GRM8: variants seen among roughly 807,000 people sequenced by gnomAD.
The protein encoded by GRM8 is glutamate metabotropic receptor 8, also known as metabotropic glutamate receptor 8.
A neutral mutation model predicts 87.2 loss-of-function variants in GRM8; 47 were observed. The observed-to-expected ratio is 0.54, with a 90% CI of 0.43 to 0.69. GRM8 has a LOEUF of 0.69. Among genes scored for constraint, GRM8 ranks in the 30% least tolerant of loss-of-function variants. The probability of loss-of-function intolerance (pLI) is 0.00; values close to 1 mark genes in which losing one functional copy is unlikely to be tolerated. For missense variants in GRM8, 1,019 were observed against 1,139.2 expected, an observed-to-expected ratio of 0.89 and a Z score of 1.52; for synonymous variants, 396 against 404.5, an observed-to-expected ratio of 0.98 and a Z score of 0.25.
At chr7:127,142,850 C>T (rs1056931307) in intron 2 of GRM8, among the ~76,000 whole-genome samples, 1 of 152,026 alleles carries the variant, frequency 6.6e-6, no homozygotes, top group Non-Finnish European at 1.5e-5. Flanking sequence ...AAAATCCCTG[C>T]ATTTATGATG....
intron 9 of GRM8, among the ~76,000 whole-genome samples, chr7:126,460,019 T>G (rs1399322749): frequency 6.6e-6 from 1 of 151,486 alleles, no homozygotes; most frequent in Admixed American, 6.6e-5. Context: ...TCTGAGACAA[T>G]ATATAGGGAG....
chr7:127,143,586 AAAG>A (rs1274584314), intron 2 of GRM8, among the ~76,000 whole-genome samples: 1 of 152,098 alleles, frequency 6.6e-6, no homozygotes, highest in East Asian at 1.9e-4. Context: ...GCATTTTGTA[AAAG>A]AAGATACTAA....
At chr7:126,915,238 G>C (rs1291692039) in intron 3 of GRM8, among the ~76,000 whole-genome samples, 1 of 152,192 alleles carries the variant, frequency 6.6e-6, no homozygotes, top group African/African-American at 2.4e-5. Context: ...AAGTGAGGTG[G>C]CTTCTTTGTA....
At chr7:126,739,753 T>C (rs533388074) in intron 7 of GRM8, among the ~76,000 whole-genome samples, 3 of 152,174 alleles carry the variant, frequency 2.0e-5, no homozygotes, top group East Asian at 3.9e-4. Flanking sequence ...ACCACACACA[T>C]TTCGGTCAAT....
At chr7:126,662,853 ACTTCT>A (rs1438171503) in intron 7 of GRM8, among the ~76,000 whole-genome samples, 2 of 152,118 alleles carry the variant, frequency 1.3e-5, no homozygotes, top group South Asian at 2.1e-4. Flanking sequence ...GTGTTGCTCT[ACTTCT>A]CATTATTTTC....
chr7:127,127,832 C>G (rs1379475328), intron 2 of GRM8, among the ~76,000 whole-genome samples: 2 of 151,948 alleles, frequency 1.3e-5, no homozygotes, highest in Non-Finnish European at 1.5e-5. Context: ...TCTCTCCTTC[C>G]ACCCCAGCAC....
intron 3 of GRM8, among the ~76,000 whole-genome samples, chr7:127,019,120 T>C (rs1815998180): frequency 6.6e-6 from 1 of 152,058 alleles, no homozygotes; most frequent in African/African-American, 2.4e-5. Context: ...TTCAAGTCCC[T>C]TTTTACAATA....
chr7:126,728,622 A>T (rs572587901), intron 7 of GRM8, among the ~76,000 whole-genome samples: 11 of 152,200 alleles, frequency 7.2e-5, no homozygotes, highest in Non-Finnish European at 1.3e-4. Flanking sequence ...AACATACAGT[A>T]ACTTTGAAAA....
At chr7:126,945,369 A>G (rs1287274957) in intron 3 of GRM8, among the ~76,000 whole-genome samples, 1 of 152,208 alleles carries the variant, frequency 6.6e-6, no homozygotes, top group South Asian at 2.1e-4. Context: ...GTATTTTAAA[A>G]CATTATTTTA....
At chr7:127,186,323 G>A (rs958363859) in intron 2 of GRM8, among the ~76,000 whole-genome samples, 4 of 152,128 alleles carry the variant, frequency 2.6e-5, no homozygotes, top group African/African-American at 9.7e-5. Flanking sequence ...ATTATCCATT[G>A]CCTCTTCAGA....
At chr7:126,888,680 C>T (rs1800719257) in intron 6 of GRM8, among the ~76,000 whole-genome samples, 1 of 152,104 alleles carries the variant, frequency 6.6e-6, no homozygotes, top group African/African-American at 2.4e-5. Context: ...ATATTGCTCC[C>T]ATCCAACAGC....
intron 3 of GRM8, among the ~76,000 whole-genome samples, chr7:126,908,315 C>A (rs1802922601): frequency 6.6e-6 from 1 of 152,082 alleles, no homozygotes. Flanking sequence ...TTTGAGAAAA[C>A]TTTTGGAATG....
At chr7:126,983,743 C>T (rs1811765449) in intron 3 of GRM8, among the ~76,000 whole-genome samples, 1 of 152,150 alleles carries the variant, frequency 6.6e-6, no homozygotes, top group Admixed American at 6.5e-5. Context: ...TAATGGGAAA[C>T]TACAATAGCC....
intron 8 of GRM8, among the ~76,000 whole-genome samples, chr7:126,564,800 C>T (rs747904071): frequency 6.6e-6 from 1 of 152,130 alleles, no homozygotes; most frequent in Non-Finnish European, 1.5e-5. Context: ...GCCAATATTC[C>T]TGATGAGTAT....
At chr7:126,612,717 G>A (rs560954170) in intron 7 of GRM8, among the ~76,000 whole-genome samples, 26 of 152,256 alleles carry the variant, frequency 1.7e-4, no homozygotes, top group Non-Finnish European at 3.5e-4. Context: ...ATCTTTGTAA[G>A]CACTGCAGCA....
At chr7:127,014,999 A>AG (rs1476450772) in intron 3 of GRM8, among the ~76,000 whole-genome samples, 61 of 118,938 alleles carry the variant, frequency 5.1e-4, no homozygotes, top group African/African-American at 1.8e-3. Context: ...AAGAAGAAGA[A>AG]GAAAGAAGAA....
chr7:126,825,715 A>C (rs1794703739), intron 6 of GRM8, among the ~76,000 whole-genome samples: 1 of 152,146 alleles, frequency 6.6e-6, no homozygotes, highest in Admixed American at 6.5e-5. Context: ...AAGGAAACTG[A>C]AACTTTTTTT....
At chr7:127,073,775 G>A (rs1397376798) in intron 3 of GRM8, among the ~76,000 whole-genome samples, 1 of 152,120 alleles carries the variant, frequency 6.6e-6, no homozygotes, top group Non-Finnish European at 1.5e-5. Flanking sequence ...AGCCCCAGAG[G>A]ATCCTCTAGA....
intron 6 of GRM8, among the ~76,000 whole-genome samples, chr7:126,892,120 T>G (rs1801095720): frequency 6.6e-6 from 1 of 151,736 alleles, no homozygotes; most frequent in South Asian, 2.1e-4. Context: ...GTATAACTTT[T>G]TACATTTTTA....
Sources: gnomAD v4.1 joint callset for allele counts (sites outside exome capture counted in the v4.1 genomes callset) on GRCh38, gnomAD v4.1.1 for gene constraint, MANE v1.5 for transcripts, NCBI Gene and HGNC (gene_info 2026-07-23, HGNC 2026-07-21) for gene names.